Variants in PLCH1 observed in about 807,000 individuals in gnomAD.
PLCH1 encodes the protein phospholipase C eta 1, also known as 1-phosphatidylinositol 4,5-bisphosphate phosphodiesterase eta-1.
A neutral mutation model predicts 126.7 loss-of-function variants in PLCH1; 60 were observed. That is an observed-to-expected ratio of 0.47 (90% CI 0.38 to 0.59). The LOEUF is 0.59. Ranked by LOEUF, PLCH1 falls within the 20% of genes least tolerant of loss-of-function variation. The pLI, the probability that PLCH1 is intolerant of heterozygous loss-of-function variation, is 0.00. For missense variants in PLCH1, 1,723 were observed against 2,040.0 expected, an observed-to-expected ratio of 0.84 and a Z score of 2.99; for synonymous variants, 719 against 734.9, an observed-to-expected ratio of 0.98 and a Z score of 0.35.
chr3:155,544,510 T>C lies in PLCH1; in HGVS notation c.1362+5277A>G, dbSNP rs1157105912. On this transcript the variant is annotated intron_variant, in intron 10 of 22. Coordinates refer to ENST00000460012, the MANE Select transcript of PLCH1 (RefSeq NM_014996.4). ...GAAAGTTAACAAGGATATCCAGGAATTGAAGTCAGCTCTGCACCAAGCGGA... is the reference window on the plus strand; with the variant it reads ...GAAAGTTAACAAGGATATCCAGGAACTGAAGTCAGCTCTGCACCAAGCGGA... Among the ~76,000 whole-genome samples the C allele has an allele frequency of 7.9e-5, 12 of 152,248 alleles. No homozygotes were observed. The East Asian group carries it at 1.5e-3, about 20-fold the overall frequency.
At position 155,542,214 on chromosome 3, in the gene PLCH1, C is replaced by T. The variant is rs531559693; in HGVS notation, c.1362+7573G>A. Among the ~76,000 whole-genome samples, 124 of 152,310 alleles carry T rather than the reference C, an allele frequency of 8.1e-4. 1 individual carries two copies. The highest frequency in any genetic ancestry group is 3.4e-3 in the Middle Eastern group (1 of 294). On this transcript the variant is annotated intron_variant, in intron 10 of 22. Transcript: ENST00000460012. ...GCGCTTTTCCGACGGGCTTAAAAAA[C>T]GGCGCACCAGGAGATTATATCCCGC... is the stretch of plus-strand genomic sequence containing the variant.
intron 2 of PLCH1, among the ~76,000 whole-genome samples, chr3:155,677,475 C>A (rs73007057): frequency 0.048 from 7,272 of 152,218 alleles, 458 homozygotes; most frequent in African/African-American, 0.14. Context: ...ATTCAATCTA[C>A]CATACATACA....
intron 12 of PLCH1, among the ~76,000 whole-genome samples, chr3:155,511,373 T>A (rs1053716698): frequency 1.6e-5 from 2 of 126,756 alleles, no homozygotes; most frequent in East Asian, 4.4e-4. Context: ...TCATTCTCCA[T>A]CCAGCTTTGT....
intron 2 of PLCH1, among the ~76,000 whole-genome samples, chr3:155,664,070 A>G (rs1435629216): frequency 6.6e-6 from 1 of 152,208 alleles, no homozygotes; most frequent in Non-Finnish European, 1.5e-5. Context: ...GATGCATCAT[A>G]AACAGTCTGA....
chr3:155,661,185 G>A (rs1742094210), intron 2 of PLCH1, among the ~76,000 whole-genome samples: 1 of 152,152 alleles, frequency 6.6e-6, no homozygotes. Context: ...AGTTCACATA[G>A]CACAACCTTA....
intron 2 of PLCH1, among the ~76,000 whole-genome samples, chr3:155,630,326 G>T (rs1936256910): frequency 6.6e-6 from 1 of 152,148 alleles, no homozygotes; most frequent in Admixed American, 6.5e-5. Context: ...CAACACAAAT[G>T]GTAAAAAATG....
At position 155,512,990 on chromosome 3, in the gene PLCH1, T is replaced by C. The variant is rs75759550; in HGVS notation, c.1632+1733A>G. On this transcript the variant is annotated intron_variant, in intron 12 of 22. Coordinates refer to ENST00000460012, the MANE Select transcript of PLCH1 (RefSeq NM_014996.4). ...AGAACCATTTCCTGTGACTACTAAG[T>C]TCTTCCAGCCTGAAGGCAAATTTCA... Among the ~76,000 whole-genome samples the C allele has an allele frequency of 3.3e-5, 5 of 152,328 alleles. No individual in the cohort carries two copies. In the East Asian group the frequency reaches 9.6e-4, roughly 29 times the overall value.
At chr3:155,662,609 G>A (rs890822455) in intron 2 of PLCH1, among the ~76,000 whole-genome samples, 13 of 151,854 alleles carry the variant, frequency 8.6e-5, no homozygotes, top group African/African-American at 3.1e-4. Context: ...CCCAGCCCCA[G>A]TGGGATCTCT....
At chr3:155,455,962 G>A (rs1226257040) in intron 21 of PLCH1, among the ~76,000 whole-genome samples, 1 of 152,214 alleles carries the variant, frequency 6.6e-6, no homozygotes, top group East Asian at 1.9e-4. Context: ...GCTGGAACAT[G>A]CACGCCCATT....
chr3:155,534,047 G>T (rs597718), intron 10 of PLCH1, among the ~76,000 whole-genome samples: 1 of 152,136 alleles, frequency 6.6e-6, no homozygotes, highest in Non-Finnish European at 1.5e-5. Context: ...GGAGTTGGAG[G>T]CCCCATACAA....
intron 2 of PLCH1, among the ~76,000 whole-genome samples, chr3:155,601,680 G>A (rs1261495956): frequency 6.6e-6 from 1 of 152,118 alleles, no homozygotes; most frequent in Non-Finnish European, 1.5e-5. Context: ...TGTCATACAT[G>A]CCACCTGATG....
chr3:155,679,734 C>T (rs191351227), intron 2 of PLCH1, among the ~76,000 whole-genome samples: 3 of 152,314 alleles, frequency 2.0e-5, no homozygotes, highest in East Asian at 3.9e-4. Context: ...ATAAAAGCTA[C>T]CATTTACCAG....
At chr3:155,473,250 T>C (rs1297990935) in intron 21 of PLCH1, among the ~76,000 whole-genome samples, 7 of 151,078 alleles carry the variant, frequency 4.6e-5, no homozygotes, top group Non-Finnish European at 1.0e-4. Context: ...ACAAAATCAA[T>C]GTACAAAAAT....
intron 6 of PLCH1, among the ~76,000 whole-genome samples, chr3:155,575,193 A>G (rs1729759544): frequency 6.6e-6 from 1 of 152,136 alleles, no homozygotes; most frequent in African/African-American, 2.4e-5. Context: ...CCTCAAAGGA[A>G]TGCTTTTATA....
In PLCH1 at chr3:155,481,073, A is replaced by G; in HGVS notation, c.4953T>C (p.Ala1651=). 1 of 1,614,150 alleles carries G rather than the reference A, an allele frequency of 6.2e-7. No homozygotes were observed. The highest frequency in any genetic ancestry group is 8.5e-7 in the Non-Finnish European group (1 of 1,179,954). ...GRGIPEGACT[A]LHYGHVDQFC... ...ACTGGTCAACGTGGCCATAGTGAAG[A>G]GCCGTGCATGCCCCCTCTGGGATGC... is the stretch of plus-strand genomic sequence containing the variant. The change falls in exon 23 of 23, where the codon GCT becomes GCC. Residue 1651 remains alanine, a synonymous_variant. Transcript: ENST00000460012. This position sits in a 1 kb window ranked among gnomAD's most constrained non-coding sequence, Gnocchi z 4.2.
intron 13 of PLCH1, among the ~76,000 whole-genome samples, chr3:155,501,474 T>G (rs16825048): frequency 0.03 from 4,585 of 152,196 alleles, 148 homozygotes; most frequent in African/African-American, 0.081. Flanking sequence ...ATAGTCCCAG[T>G]ATTTAGGCAA....
chr3:155,521,660 CAGGGCATTTGAGCCCT>C (rs1222667290), intron 11 of PLCH1, among the ~76,000 whole-genome samples: 1 of 152,192 alleles, frequency 6.6e-6, no homozygotes, highest in African/African-American at 2.4e-5. Flanking sequence ...ATTCACCAGT[CAGGGCATTTGAGCCCT>C]CTGCCAACAA....
At chr3:155,571,675 A>G (rs1296187355) in intron 6 of PLCH1, among the ~76,000 whole-genome samples, 1 of 152,252 alleles carries the variant, frequency 6.6e-6, no homozygotes, top group African/African-American at 2.4e-5. Flanking sequence ...CTGGGATTAC[A>G]GGTGTGAGCC....
chr3:155,584,087 T>A (rs1731062129), intron 5 of PLCH1, among the ~76,000 whole-genome samples: 1 of 151,510 alleles, frequency 6.6e-6, no homozygotes, highest in Non-Finnish European at 1.5e-5. Flanking sequence ...TCAAAAAATG[T>A]GAAACAAAAT....
Sources: allele counts gnomAD v4.1 joint callset (sites outside exome capture counted in the v4.1 genomes callset), GRCh38; gene constraint gnomAD v4.1.1; non-coding constraint Gnocchi (gnomAD v3.1); transcripts MANE v1.5; gene names NCBI Gene and HGNC (gene_info 2026-07-23, HGNC 2026-07-21).